FAXDC2: variants seen among roughly 807,000 people sequenced by gnomAD.
The protein encoded by FAXDC2 is fatty acid hydroxylase domain-containing protein 2.
FAXDC2 carries 41 observed loss-of-function variants against 40.9 expected under a neutral mutation model. The ratio of observed to expected loss-of-function variants is 1.00; its 90% CI spans 0.78 to 1.30. FAXDC2 has a LOEUF of 1.30. Ranked by LOEUF, FAXDC2 falls within the 50% of genes most tolerant of loss-of-function variation. FAXDC2 has a pLI of 0.00. For synonymous variants in FAXDC2, 157 were observed against 149.3 expected, an observed-to-expected ratio of 1.05 and a Z score of -0.38; for missense variants, 390 against 408.8, an observed-to-expected ratio of 0.95 and a Z score of 0.40.
intron 1 of FAXDC2, among the ~76,000 whole-genome samples, chr5:154,843,437 A>C (rs1287923696): frequency 1.3e-5 from 2 of 152,104 alleles, no homozygotes; most frequent in Non-Finnish European, 2.9e-5. Flanking sequence ...AAAATGAGAA[A>C]CTCTCAGTCT....
intron 5 of FAXDC2, chr5:154,824,124 G>C (rs981785576): frequency 7.7e-6 from 2 of 259,222 alleles, no homozygotes; most frequent in African/African-American, 4.4e-5. Context: ...CCAGCTTCTT[G>C]ACCAACTTGC....
chr5:154,835,093 G>A (rs1760308558), intron 2 of FAXDC2, 159 bp from the exon 3 acceptor site: 1 of 605,738 alleles, frequency 1.7e-6, no homozygotes, highest in African/African-American at 1.9e-5. Flanking sequence ...TTCTGTGGGA[G>A]CCTCTTCCTT....
intron 6 of FAXDC2, 115 bp downstream of exon 6, chr5:154,823,272 C>G: frequency 1.1e-6 from 1 of 945,598 alleles, no homozygotes; most frequent in South Asian, 1.6e-5. Flanking sequence ...CCTCAGCCTC[C>G]CAAATTGCCA....
intron 1 of FAXDC2, among the ~76,000 whole-genome samples, chr5:154,839,262 G>T (rs1182861831): frequency 6.7e-6 from 1 of 149,826 alleles, no homozygotes; most frequent in Non-Finnish European, 1.5e-5. Context: ...GGAGGCGGAG[G>T]TTGCACTGAG....
At chr5:154,836,506 C>T (rs1760352634) in intron 2 of FAXDC2, among the ~76,000 whole-genome samples, 2 of 152,182 alleles carry the variant, frequency 1.3e-5, no homozygotes, top group Non-Finnish European at 2.9e-5. Flanking sequence ...CAGACGGGGT[C>T]TGCTCATATT....
At chr5:154,834,020 TTATA>T (rs890673868) in intron 4 of FAXDC2, among the ~76,000 whole-genome samples, 50 of 149,086 alleles carry the variant, frequency 3.4e-4, no homozygotes, top group African/African-American at 1.1e-3. Flanking sequence ...CATAGTAACA[TTATA>T]TATTATATGT....
intron 2 of FAXDC2, among the ~76,000 whole-genome samples, 186 bp downstream of exon 2, chr5:154,837,945 G>A (rs1271135611): frequency 1.3e-5 from 2 of 152,230 alleles, no homozygotes; most frequent in Non-Finnish European, 2.9e-5. Flanking sequence ...TTCAGGCAAA[G>A]GGGTTGTGGG....
chr5:154,840,685 A>G lies in FAXDC2; in HGVS notation c.1-2507T>C, dbSNP rs556256332. ...CAGTTTTCTGAGTAGCTGGGAATACAGACTACAGGCACATACCACCATACC... is the reference window on the plus strand; with the variant it reads ...CAGTTTTCTGAGTAGCTGGGAATACGGACTACAGGCACATACCACCATACC... On this transcript the variant is annotated intron_variant, in intron 1 of 8. Coordinates refer to ENST00000326080, the MANE Select transcript of FAXDC2 (RefSeq NM_032385.5). 5.9e-5 allele frequency among the ~76,000 whole-genome samples: 9 copies of G among 152,256 alleles called. No homozygotes were observed. In the South Asian group the frequency reaches 1.9e-3, roughly 32 times the overall value.
chr5:154,822,681 G>T, intron 6 of FAXDC2, 104 bp from the exon 7 acceptor site: 1 of 834,772 alleles, frequency 1.2e-6, no homozygotes, highest in Non-Finnish European at 2.0e-6. Flanking sequence ...CATCCATGGA[G>T]CAAAGTTAAC....
chr5:154,834,062 TTA>T (rs1475348200), intron 4 of FAXDC2, among the ~76,000 whole-genome samples: 3 of 148,426 alleles, frequency 2.0e-5, no homozygotes, highest in Non-Finnish European at 4.5e-5. Context: ...TAAATGTATA[TTA>T]TATATAATAT....
intron 6 of FAXDC2, 130 bp downstream of exon 6, chr5:154,823,257 G>A (rs562206888): frequency 7.5e-5 from 58 of 775,710 alleles, no homozygotes; most frequent in Middle Eastern, 3.8e-4. Context: ...CAAGTGATCC[G>A]CCCACCTCAG....
intron 1 of FAXDC2, among the ~76,000 whole-genome samples, chr5:154,847,342 G>C (rs1760621843): frequency 6.6e-6 from 1 of 152,116 alleles, no homozygotes; most frequent in Non-Finnish European, 1.5e-5. Flanking sequence ...ACACAGTGAA[G>C]CTATAGCTAA....
rs1347964677 is a variant in FAXDC2, at chr5:154,843,307, G to A, written c.1-5129C>T. ...CTGTCTTATCAACTCCATTATCTTT[G>A]CTAAGAGCTTGCAAAGCAAACGAGA... On this transcript the variant is annotated intron_variant, in intron 1 of 8. Transcript: ENST00000326080. Among the ~76,000 whole-genome samples the A allele has an allele frequency of 2.6e-5, 4 of 152,186 alleles. No individual in the cohort carries two copies. In the East Asian group the frequency reaches 7.7e-4, roughly 29 times the overall value.
At chr5:154,843,139 C>T (rs1364771308) in intron 1 of FAXDC2, among the ~76,000 whole-genome samples, 2 of 152,244 alleles carry the variant, frequency 1.3e-5, no homozygotes, top group African/African-American at 2.4e-5. Flanking sequence ...TCTGTTGACC[C>T]TGTTGAGATA....
At chr5:154,848,200 T>C (rs1488885101) in intron 1 of FAXDC2, among the ~76,000 whole-genome samples, 4 of 152,348 alleles carry the variant, frequency 2.6e-5, no homozygotes, top group African/African-American at 9.6e-5. Flanking sequence ...TGTATTGTTT[T>C]GTAAACAACT....
chr5:154,845,679 AAAAC>A (rs1280138416), intron 1 of FAXDC2, among the ~76,000 whole-genome samples: 1 of 152,136 alleles, frequency 6.6e-6, no homozygotes, highest in African/African-American at 2.4e-5. Context: ...CAAACAAAAA[AAAAC>A]AAACTGGAAG....
At chr5:154,830,973 C>T (rs376485460) in intron 4 of FAXDC2, 51 bp from the exon 5 acceptor site, 2 of 1,602,870 alleles carry the variant, frequency 1.2e-6, no homozygotes, top group Non-Finnish European at 1.7e-6. Flanking sequence ...TCTCACAGCA[C>T]ATAGACTAAC....
chr5:154,824,148 G>T, intron 5 of FAXDC2: 1 of 286,632 alleles, frequency 3.5e-6, no homozygotes, highest in South Asian at 6.8e-5. Flanking sequence ...TTTTCACAGT[G>T]ATGCTGTGAA....
chr5:154,831,416 G>A (rs978759862), intron 4 of FAXDC2: 3 of 152,598 alleles, frequency 2.0e-5, no homozygotes, highest in African/African-American at 7.3e-5. Flanking sequence ...GTCAGTATAA[G>A]TGGAAAACTC....
Sources: allele counts gnomAD v4.1 joint callset (sites outside exome capture counted in the v4.1 genomes callset), GRCh38; gene constraint gnomAD v4.1.1; transcripts MANE v1.5; gene names NCBI Gene and HGNC (gene_info 2026-07-23, HGNC 2026-07-21).